GRHL2: variants seen among roughly 807,000 people sequenced by gnomAD.
GRHL2 encodes grainyhead-like protein 2 homolog.
A neutral mutation model predicts 83.8 loss-of-function variants in GRHL2; 21 were observed. That is an observed-to-expected ratio of 0.25 (90% CI 0.18 to 0.36). The LOEUF is 0.36. Ranked by LOEUF, GRHL2 falls within the 10% of genes least tolerant of loss-of-function variation. The probability of loss-of-function intolerance (pLI) is 1.00; values close to 1 mark genes in which losing one functional copy is unlikely to be tolerated. For synonymous variants in GRHL2, 280 were observed against 278.9 expected, an observed-to-expected ratio of 1.00 and a Z score of -0.04; for missense variants, 623 against 781.8, an observed-to-expected ratio of 0.80 and a Z score of 2.42.
intron 14 of GRHL2, among the ~76,000 whole-genome samples, chr8:101,656,059 T>G (rs1416702159): frequency 6.6e-6 from 1 of 152,222 alleles, no homozygotes; most frequent in Non-Finnish European, 1.5e-5. Flanking sequence ...CAGATGGGCC[T>G]TCCCAGCCCA....
In GRHL2 at chr8:101,666,604, G is replaced by C. The variant is rs749940396; in HGVS notation, c.1779G>C (p.Met593Ile). 4.4e-6 allele frequency: 7 copies of C among 1,608,610 alleles called. No homozygotes were observed. Among genetic ancestry groups the C allele is most frequent in the Non-Finnish European group, 6.0e-6 (7 of 1,175,034 alleles). ...KKSKKGILVNMDDNIIEHYSN... is the reference protein window; with the variant it reads ...KKSKKGILVNIDDNIIEHYSN... The stretch of plus-strand genomic sequence containing the variant: ...TCCATGGCAGCATCTTGGTGAACAT[G>C]GATGACAACATCATCGAGCACTACT... The change falls in exon 16 of 16, where the codon ATG becomes ATC. Residue 593 changes from methionine (M) to isoleucine (I), a missense_variant. Met to Ile is a conservative substitution (Grantham distance 10). Coordinates refer to ENST00000646743, the MANE Select transcript of GRHL2 (RefSeq NM_024915.4).
intron 6 of GRHL2, among the ~76,000 whole-genome samples, chr8:101,577,182 T>G (rs1276309085): frequency 5.8e-5 from 8 of 138,288 alleles, no homozygotes; most frequent in Admixed American, 4.8e-4. Flanking sequence ...TGTAGGACTC[T>G]TTTTTTTTTC....
At chr8:101,552,916 A>G in intron 3 of GRHL2, 134 bp downstream of exon 3, 1 of 852,194 alleles carries the variant, frequency 1.2e-6, no homozygotes, top group Non-Finnish European at 1.9e-6. Flanking sequence ...TTGAGTCTGG[A>G]CCAATGCTAG....
intron 7 of GRHL2, among the ~76,000 whole-genome samples, chr8:101,586,298 A>T (rs1373123724): frequency 6.6e-6 from 1 of 151,420 alleles, no homozygotes; most frequent in Non-Finnish European, 1.5e-5. Flanking sequence ...TCTCAATCCA[A>T]CATAATCTGT....
chr8:101,630,336 T>A (rs1185532256), intron 9 of GRHL2, among the ~76,000 whole-genome samples: 1 of 152,216 alleles, frequency 6.6e-6, no homozygotes, highest in Non-Finnish European at 1.5e-5. Context: ...CATTTGTGCG[T>A]CTTTTTCTGT....
chr8:101,652,097 A>C (rs1400454296), intron 14 of GRHL2, among the ~76,000 whole-genome samples: 3 of 151,992 alleles, frequency 2.0e-5, no homozygotes, highest in Non-Finnish European at 4.4e-5. Context: ...CTGTAGTTGT[A>C]CCCTAAGTTT....
rs994319671 is a variant in GRHL2, at chr8:101,504,455, T to C, written c.20+11666T>C. 1.1e-4 allele frequency among the ~76,000 whole-genome samples: 16 copies of C among 152,314 alleles called. No individual in the cohort carries two copies. The East Asian group carries it at 3.1e-3, about 29-fold the overall frequency. On this transcript the variant is annotated intron_variant, in intron 1 of 15. Transcript: ENST00000646743. ...CCACTCAGTGGGCTGCATGTGCCTATGGAGTTTCACTTGAAGCAAACTCTC... is the reference window on the plus strand; with the variant it reads ...CCACTCAGTGGGCTGCATGTGCCTACGGAGTTTCACTTGAAGCAAACTCTC...
rs2130311632 is a variant in GRHL2 at position 101,599,161 on chromosome 8, A to G, written c.1098+10A>G. On this transcript the variant is annotated intron_variant, in intron 8 of 15. Coordinates refer to ENST00000646743, the MANE Select transcript of GRHL2 (RefSeq NM_024915.4). The stretch of plus-strand genomic sequence containing the variant: ...GAATGAAGAGGCGAAGGTGAGTGAC[A>G]TTGATTCATTGTTTATACCTCTTAA... 1 of 1,552,504 alleles carries G rather than the reference A, an allele frequency of 6.4e-7. No homozygotes were observed. The highest frequency in any genetic ancestry group is 8.9e-7 in the Non-Finnish European group (1 of 1,123,758).
intron 1 of GRHL2, among the ~76,000 whole-genome samples, chr8:101,534,019 A>T (rs1040993434): frequency 6.6e-6 from 1 of 152,190 alleles, no homozygotes; most frequent in African/African-American, 2.4e-5. Flanking sequence ...TTTTGTTTCA[A>T]TGGGATTTCT....
intron 4 of GRHL2, among the ~76,000 whole-genome samples, chr8:101,569,446 C>T (rs1254627691): frequency 6.6e-6 from 1 of 152,128 alleles, no homozygotes. Context: ...ATGTACCAGG[C>T]TCTATTCTTA....
chr8:101,509,945 A>C (rs747444433), intron 1 of GRHL2, among the ~76,000 whole-genome samples: 6 of 152,204 alleles, frequency 3.9e-5, no homozygotes, highest in Non-Finnish European at 7.3e-5. Flanking sequence ...ACTTAAGTAA[A>C]TGAAGGGTAA....
chr8:101,528,274 A>G (rs79049982), intron 1 of GRHL2, among the ~76,000 whole-genome samples: 1 of 152,184 alleles, frequency 6.6e-6, no homozygotes, highest in African/African-American at 2.4e-5. Flanking sequence ...TCAGTTTATT[A>G]ATTCATTTTG....
chr8:101,552,811 A>T, intron 3 of GRHL2, 29 bp downstream of exon 3: 1 of 1,600,092 alleles, frequency 6.2e-7, no homozygotes. Context: ...CCCCCAGAAT[A>T]ACTCTATGTT....
At chr8:101,633,792 G>A (rs556957175) in intron 11 of GRHL2, among the ~76,000 whole-genome samples, 4 of 152,070 alleles carry the variant, frequency 2.6e-5, no homozygotes, top group Non-Finnish European at 4.4e-5. Flanking sequence ...TGCCCCATGG[G>A]ATTTTATGGG....
At chr8:101,601,975 C>T (rs1415732594) in intron 8 of GRHL2, among the ~76,000 whole-genome samples, 1 of 152,114 alleles carries the variant, frequency 6.6e-6, no homozygotes, top group Admixed American at 6.6e-5. Flanking sequence ...TCTCCCTCCC[C>T]TAGGCCCCCA....
chr8:101,601,195 CA>C (rs1346424267), intron 8 of GRHL2, among the ~76,000 whole-genome samples: 9 of 149,916 alleles, frequency 6.0e-5, no homozygotes, highest in African/African-American at 1.7e-4. Flanking sequence ...CACACCCCAC[CA>C]CCACCACCAC....
intron 15 of GRHL2, 75 bp from the exon 16 acceptor site, chr8:101,666,514 C>G: frequency 1.2e-6 from 1 of 842,772 alleles, no homozygotes; most frequent in Non-Finnish European, 2.1e-6. Flanking sequence ...GAACCCCCAG[C>G]CTGGAGCTCC....
At chr8:101,528,888 C>T in intron 1 of GRHL2, 1 of 331,078 alleles carries the variant, frequency 3.0e-6, no homozygotes, top group Non-Finnish European at 5.9e-6. Context: ...TGTTAGATGA[C>T]AGACCTTTTG....
In GRHL2 at chr8:101,666,747, C is replaced by T. The variant is rs1430578834; in HGVS notation, c.*44C>T. ...CTTTGGCTGGAGCTCTCAGTGCGTT[C>T]CTCCCTGAGAGAGACAGAAGCCCCA... is the stretch of plus-strand genomic sequence containing the variant. On this transcript the variant is annotated 3_prime_UTR_variant, in exon 16 of 16. Coordinates refer to ENST00000646743, the MANE Select transcript of GRHL2 (RefSeq NM_024915.4). 2.7e-6 allele frequency: 3 copies of T among 1,110,462 alleles called. No homozygotes were observed. The highest frequency in any genetic ancestry group is 2.5e-5 in the South Asian group (2 of 79,738). The allele number at this position is 1,110,462 out of a possible 1,614,324, so 68.8% of individuals were successfully genotyped here.
Sources: allele counts gnomAD v4.1 joint callset (sites outside exome capture counted in the v4.1 genomes callset), GRCh38; gene constraint gnomAD v4.1.1; transcripts MANE v1.5; gene names NCBI Gene and HGNC (gene_info 2026-07-23, HGNC 2026-07-21).